E2F3: variants seen among roughly 807,000 people sequenced by gnomAD.
E2F3 encodes the protein E2F transcription factor 3.
E2F3 carries 11 observed loss-of-function variants against 44.4 expected under a neutral mutation model. The observed-to-expected ratio is 0.25, with a 90% CI of 0.16 to 0.41. The LOEUF (loss-of-function observed/expected upper bound fraction) is 0.41. E2F3 is among the 10% of genes least tolerant of loss of function. The pLI, the probability that E2F3 is intolerant of heterozygous loss-of-function variation, is 1.00. For missense variants in E2F3, 487 were observed against 583.6 expected, an observed-to-expected ratio of 0.83 and a Z score of 1.70; for synonymous variants, 249 against 253.0, an observed-to-expected ratio of 0.98 and a Z score of 0.15.
chr6:20,488,959 CTCCAGCCTGGTGACAGAGTGAGACTCCA>C (rs1762479207), intron 6 of E2F3, among the ~76,000 whole-genome samples: 1 of 152,106 alleles, frequency 6.6e-6, no homozygotes, highest in African/African-American at 2.4e-5. Context: ...CGCCACTGCA[CTCCAGCCTGGTGACAGAGTGAGACTCCA>C]TCTCAAAAAA....
Position 20,491,158 on chromosome 6 carries a change from C to G in E2F3, c.*728C>G, listed in dbSNP as rs531681460. On this transcript the variant is annotated 3_prime_UTR_variant, in exon 7 of 7. Coordinates refer to ENST00000346618, the MANE Select transcript of E2F3 (RefSeq NM_001949.5). ...CCTGTCTCCATGAACCACTCCCATT[C>G]CCCCGTCCCCAATGTGTTTGTGAGT... 1 of 232,366 alleles carries G rather than the reference C, an allele frequency of 4.3e-6. No individual in the cohort carries two copies. The highest frequency in any genetic ancestry group is 6.0e-5 in the East Asian group (1 of 16,542). The allele number at this position is 232,366 out of a possible 1,614,324, so 14.4% of individuals were successfully genotyped here.
At chr6:20,418,391 C>T (rs979272092) in intron 1 of E2F3, among the ~76,000 whole-genome samples, 1 of 152,206 alleles carries the variant, frequency 6.6e-6, no homozygotes, top group South Asian at 2.1e-4. Flanking sequence ...AAATGGCCAG[C>T]CAGTTGGCTG....
intron 1 of E2F3, among the ~76,000 whole-genome samples, chr6:20,403,433 C>T (rs1484520643): frequency 6.6e-6 from 1 of 152,150 alleles, no homozygotes. Flanking sequence ...CCGCCCTGTC[C>T]CCCTCTCCGC....
In E2F3 at chr6:20,491,915, T is replaced by C. The variant is rs181590088; in HGVS notation, c.*1485T>C. ...TGTCAGCTGCAAATCCTACCAGTTA[T>C]GTCCAAGAATGGCTTTCCCTCGGGC... On this transcript the variant is annotated 3_prime_UTR_variant, in exon 7 of 7. Coordinates refer to ENST00000346618, the MANE Select transcript of E2F3 (RefSeq NM_001949.5). 665 of 181,734 alleles carry C rather than the reference T, an allele frequency of 3.7e-3. 5 individuals carry two copies. The highest frequency in any genetic ancestry group is 6.7e-3 in the Admixed American group (107 of 15,912). 11.3% of individuals were successfully genotyped at this position (181,734 alleles called of 1,614,324 possible).
At chr6:20,462,592 GGATTACAGGT>G (rs1172183460) in intron 1 of E2F3, among the ~76,000 whole-genome samples, 1 of 151,554 alleles carries the variant, frequency 6.6e-6, no homozygotes, top group Non-Finnish European at 1.5e-5. Context: ...TAAGTAACTG[GGATTACAGGT>G]GTCCGCCCTC....
At chr6:20,408,872 C>A (rs1477562071) in intron 1 of E2F3, among the ~76,000 whole-genome samples, 5 of 152,212 alleles carry the variant, frequency 3.3e-5, no homozygotes, top group Admixed American at 2.0e-4. Flanking sequence ...ACTTGACAGT[C>A]CCTGAGAACG....
At chr6:20,453,082 T>G (rs1055723954) in intron 1 of E2F3, among the ~76,000 whole-genome samples, 2 of 152,234 alleles carry the variant, frequency 1.3e-5, no homozygotes, top group African/African-American at 4.8e-5. Flanking sequence ...TTGCTCTTTT[T>G]CTTGTTGATT....
Position 20,482,890 on chromosome 6 carries a change from A to C in E2F3, c.854A>C (p.Lys285Thr). ...ATCCAAAGCTGCACCCTGGACCTCAAACTGTTAACCGAGGATTCAGAGAAT... is the reference window on the plus strand; with the variant it reads ...ATCCAAAGCTGCACCCTGGACCTCACACTGTTAACCGAGGATTCAGAGAAT... Reference protein sequence around the residue: ...ELIQSCTLDLKLLTEDSENQR... With the variant: ...ELIQSCTLDLTLLTEDSENQR... Residue 285 changes from lysine to threonine, a missense_variant, in exon 4 of 7, where the codon AAA becomes ACA. By Grantham distance (78) the Lys-to-Thr change is moderately conservative. Transcript: ENST00000346618. 6.2e-7 allele frequency: 1 copy of C among 1,613,872 alleles called. No homozygotes were observed. The highest frequency in any genetic ancestry group is 8.5e-7 in the Non-Finnish European group (1 of 1,179,804).
chr6:20,402,305 G>C lies in E2F3; in HGVS notation c.73G>C (p.Val25Leu). Residue 25 changes from valine to leucine, a missense_variant, in exon 1 of 7, where the codon GTC (valine) becomes CTC (leucine). Val to Leu is a conservative substitution (Grantham distance 32). Transcript: ENST00000346618. The surrounding 1 kb of genome is among the most constrained non-coding windows in gnomAD (Gnocchi z 5.6). ...CGGGGGTGGGGAGGGGGCGGCTGTC[G>C]TCGCCGCCGCCGCTGCAGCCTCCAT... ...TAGGGEGAAV[V>L]AAAAAASMDK... 1 of 1,608,082 alleles carries C rather than the reference G, an allele frequency of 6.2e-7. No homozygotes were observed. Among genetic ancestry groups the C allele is most frequent in the Non-Finnish European group, 8.5e-7 (1 of 1,178,444 alleles).
intron 4 of E2F3, among the ~76,000 whole-genome samples, chr6:20,484,892 G>A (rs1285618275): frequency 6.6e-6 from 1 of 151,064 alleles, no homozygotes; most frequent in Admixed American, 6.6e-5. Context: ...GACAGAGGTG[G>A]CAGTGAGCTG....
chr6:20,419,529 TTTTATTTA>T (rs142847666), intron 1 of E2F3, among the ~76,000 whole-genome samples: 29 of 150,304 alleles, frequency 1.9e-4, no homozygotes, highest in African/African-American at 3.4e-4. Context: ...TAGTACCTCC[TTTTATTTA>T]TTTATTTATT....
At chr6:20,419,335 T>C (rs1393211587) in intron 1 of E2F3, among the ~76,000 whole-genome samples, 1 of 152,178 alleles carries the variant, frequency 6.6e-6, no homozygotes, top group African/African-American at 2.4e-5. Context: ...TTTCTAAGCG[T>C]TGAATTTTTA....
chr6:20,457,112 G>A (rs556854554), intron 1 of E2F3, among the ~76,000 whole-genome samples: 1 of 151,748 alleles, frequency 6.6e-6, no homozygotes, highest in South Asian at 2.1e-4. Flanking sequence ...AATAAGTTTA[G>A]CCTAGGGAAA....
At chr6:20,487,464 G>T (rs1762428000) in intron 5 of E2F3, among the ~76,000 whole-genome samples, 4 of 152,110 alleles carry the variant, frequency 2.6e-5, no homozygotes, top group African/African-American at 9.7e-5. Context: ...TTGGTATGCT[G>T]CATTCTCTTA....
chr6:20,410,472 G>A (rs1489561441), intron 1 of E2F3, among the ~76,000 whole-genome samples: 1 of 152,180 alleles, frequency 6.6e-6, no homozygotes, highest in African/African-American at 2.4e-5. Flanking sequence ...ACCTTATGGG[G>A]TTAGGAAGTT....
intron 1 of E2F3, among the ~76,000 whole-genome samples, chr6:20,457,175 TTC>T (rs1029983290): frequency 1.3e-5 from 2 of 151,786 alleles, no homozygotes; most frequent in Non-Finnish European, 2.9e-5. Flanking sequence ...AGATCCTTCA[TTC>T]TCTCTTTTTC....
chr6:20,402,147 G>C lies in E2F3; in HGVS notation c.-86G>C, dbSNP rs1759323664. 5 of 1,461,842 alleles carry C rather than the reference G, an allele frequency of 3.4e-6. No homozygotes were observed. The highest frequency in any genetic ancestry group is 4.5e-6 in the Non-Finnish European group (5 of 1,115,022). The allele number at this position is 1,461,842 out of a possible 1,614,324, so 90.6% of individuals were successfully genotyped here. ...GGGCGGGGAGGAGAGAAGGAGGAGA[G>C]ACTTGGAAACTCCGACTGCAAATAA... On this transcript the variant is annotated 5_prime_UTR_variant, in exon 1 of 7. Transcript: ENST00000346618. This position sits in a 1 kb window ranked among gnomAD's most constrained non-coding sequence, Gnocchi z 5.6.
intron 1 of E2F3, among the ~76,000 whole-genome samples, chr6:20,442,269 C>T (rs1760804076): frequency 6.6e-6 from 1 of 152,194 alleles, no homozygotes. Context: ...CGCCCTGCCT[C>T]CTCCAGAAAC....
At chr6:20,418,305 C>T (rs901185325) in intron 1 of E2F3, among the ~76,000 whole-genome samples, 1 of 152,154 alleles carries the variant, frequency 6.6e-6, no homozygotes, top group African/African-American at 2.4e-5. Context: ...TTATCACATT[C>T]GACAGTAACA....
Sources: gnomAD v4.1 joint callset for allele counts (sites outside exome capture counted in the v4.1 genomes callset) on GRCh38, gnomAD v4.1.1 for gene constraint, Gnocchi (gnomAD v3.1) non-coding constraint, MANE v1.5 for transcripts, NCBI Gene and HGNC (gene_info 2026-07-23, HGNC 2026-07-21) for gene names.